The following ANKRD44 variants were observed in gnomAD, a reference collection of about 807,000 sequenced individuals.
ANKRD44 encodes the protein serine/threonine-protein phosphatase 6 regulatory ankyrin repeat subunit B.
Under a neutral mutation model 116.0 loss-of-function variants are expected in ANKRD44, and 35 were observed. That is an observed-to-expected ratio of 0.30 (90% CI 0.23 to 0.40). The LOEUF (loss-of-function observed/expected upper bound fraction) is 0.40. ANKRD44 is among the 10% of genes least tolerant of loss of function. The probability of loss-of-function intolerance (pLI) is 1.00; values close to 1 mark genes in which losing one functional copy is unlikely to be tolerated. For synonymous variants in ANKRD44, 435 were observed against 461.8 expected (o/e 0.94, Z 0.74); for missense variants, 1,014 against 1,242.6 (o/e 0.82, Z 2.77).
chr2:196,998,117 C>T (rs1369332161), intron 25 of ANKRD44, among the ~76,000 whole-genome samples: 1 of 152,142 alleles, frequency 6.6e-6, no homozygotes, highest in Non-Finnish European at 1.5e-5. Context: ...AAAAGCATGT[C>T]CTCAGTATTT....
At chr2:197,121,925 G>T (rs1391647809) in intron 7 of ANKRD44, among the ~76,000 whole-genome samples, 1 of 152,214 alleles carries the variant, frequency 6.6e-6, no homozygotes, top group Non-Finnish European at 1.5e-5. Context: ...AAGAAATGGT[G>T]GGGGATGGCA....
chr2:197,082,841 T>C (rs531309370), intron 14 of ANKRD44, among the ~76,000 whole-genome samples: 22 of 152,336 alleles, frequency 1.4e-4, no homozygotes, highest in African/African-American at 5.1e-4. Flanking sequence ...CTGTTTTCTA[T>C]TCCTACGCAC....
At chr2:197,174,558 G>T (rs563224676) in intron 2 of ANKRD44, among the ~76,000 whole-genome samples, 3 of 152,216 alleles carry the variant, frequency 2.0e-5, no homozygotes, top group Non-Finnish European at 4.4e-5. Flanking sequence ...TAAAGGTATT[G>T]ATAAAATTAG....
At chr2:197,072,555 A>G (rs892753240) in intron 16 of ANKRD44, among the ~76,000 whole-genome samples, 6 of 152,222 alleles carry the variant, frequency 3.9e-5, no homozygotes, top group African/African-American at 1.2e-4. Context: ...CAGTTGCTAT[A>G]TACTTAAAAA....
intron 21 of ANKRD44, among the ~76,000 whole-genome samples, chr2:197,002,997 G>A (rs60132321): frequency 0.056 from 8,490 of 152,136 alleles, 793 homozygotes; most frequent in African/African-American, 0.19. Flanking sequence ...AAAAGCTTAT[G>A]AAGTAATAAA....
chr2:197,027,955 G>T (rs1020394644), intron 16 of ANKRD44, among the ~76,000 whole-genome samples: 3 of 151,946 alleles, frequency 2.0e-5, no homozygotes, highest in African/African-American at 7.3e-5. Context: ...CTCCCAAACC[G>T]CTGAGATTAC....
rs2081098202 is a variant in ANKRD44 at position 197,201,858 on chromosome 2, T to C, written c.28-14752A>G. On this transcript the variant is annotated intron_variant, in intron 1 of 27. Transcript: ENST00000282272. The surrounding 1 kb of genome is among the most constrained non-coding windows in gnomAD (Gnocchi z 4.0). ...CTGCCCCCTTTTGGGATTCACAGTG[T>C]TTACTATTCCCATCTTTGTGTCCTT... Among the ~76,000 whole-genome samples, 1 of 152,214 alleles carries C rather than the reference T, an allele frequency of 6.6e-6. No individual in the cohort carries two copies. Among genetic ancestry groups the C allele is most frequent in the Non-Finnish European group, 1.5e-5 (1 of 68,038 alleles).
intron 1 of ANKRD44, among the ~76,000 whole-genome samples, chr2:197,264,459 TC>T (rs1426882934): frequency 6.6e-6 from 1 of 152,254 alleles, no homozygotes; most frequent in East Asian, 1.9e-4. Flanking sequence ...GAAAGGAATT[TC>T]CCAGCATGTT....
chr2:197,284,240 T>C (rs1241854709), intron 1 of ANKRD44, among the ~76,000 whole-genome samples: 1 of 152,100 alleles, frequency 6.6e-6, no homozygotes, highest in African/African-American at 2.4e-5. Flanking sequence ...GATGAAGAAA[T>C]GAGGGTCACT....
intron 4 of ANKRD44, among the ~76,000 whole-genome samples, chr2:197,126,741 T>A (rs752168737): frequency 6.6e-6 from 1 of 151,886 alleles, no homozygotes; most frequent in Admixed American, 6.6e-5. Flanking sequence ...AAACCCCATC[T>A]CTAACGAAGA....
At chr2:197,267,488 A>T (rs1047427943) in intron 1 of ANKRD44, among the ~76,000 whole-genome samples, 3 of 152,230 alleles carry the variant, frequency 2.0e-5, no homozygotes, top group Admixed American at 6.5e-5. Flanking sequence ...AGAGGAAAAA[A>T]TATGATCCTT....
At chr2:197,042,953 G>A (rs1460529449) in intron 16 of ANKRD44, among the ~76,000 whole-genome samples, 1 of 152,214 alleles carries the variant, frequency 6.6e-6, no homozygotes, top group Non-Finnish European at 1.5e-5. Flanking sequence ...GGATTCAGAG[G>A]CTTTTGCACC....
chr2:197,089,951 C>T lies in ANKRD44; in HGVS notation c.1182G>A (p.Ser394=), dbSNP rs746772692. Residue 394 remains serine (S), a splice_region_variant and synonymous_variant, in exon 11 of 28, where the codon TCG becomes TCA. Transcript: ENST00000282272. The stretch of plus-strand genomic sequence containing the variant: ...ATCTCTGCTAACAGATTTACTTACC[C>T]GATGATAACAACTTTCTGCAGCAGT... ...HSDCCRKLLS[S]GFEIDTPDKF... is the part of the protein sequence containing the mutation. 27 of 1,613,402 alleles carry T rather than the reference C, an allele frequency of 1.7e-5. No individual in the cohort carries two copies. Among genetic ancestry groups the T allele is most frequent in the South Asian group, 1.1e-4 (10 of 91,064 alleles).
intron 16 of ANKRD44, among the ~76,000 whole-genome samples, chr2:197,060,811 T>C (rs2077295862): frequency 6.6e-6 from 1 of 152,194 alleles, no homozygotes; most frequent in Admixed American, 6.5e-5. Context: ...TTTCACTTAG[T>C]GTAACGTCTT....
chr2:197,106,664 C>T (rs1016896263), intron 9 of ANKRD44, among the ~76,000 whole-genome samples: 1 of 150,026 alleles, frequency 6.7e-6, no homozygotes, highest in Admixed American at 6.7e-5. Context: ...GTGGCAGGCG[C>T]ATGTAGTCCC....
chr2:197,276,137 T>C (rs1224816221), intron 1 of ANKRD44, among the ~76,000 whole-genome samples: 1 of 151,940 alleles, frequency 6.6e-6, no homozygotes, highest in Non-Finnish European at 1.5e-5. Context: ...TAGCCAGGCA[T>C]GGTGGCACGC....
At chr2:197,228,978 T>G (rs942113001) in intron 1 of ANKRD44, among the ~76,000 whole-genome samples, 1 of 152,188 alleles carries the variant, frequency 6.6e-6, no homozygotes, top group African/African-American at 2.4e-5. Context: ...AAGGTTACAG[T>G]GAGCAGAGAT....
chr2:197,137,983 G>A (rs530066255), intron 3 of ANKRD44, among the ~76,000 whole-genome samples: 1 of 152,306 alleles, frequency 6.6e-6, no homozygotes, highest in Non-Finnish European at 1.5e-5. Context: ...GCTGTGGCAT[G>A]AAATGAATGC....
intron 21 of ANKRD44, 89 bp downstream of exon 21, chr2:197,005,605 G>A: frequency 2.5e-6 from 3 of 1,181,954 alleles, no homozygotes; most frequent in South Asian, 2.7e-5. Flanking sequence ...ATGGTTTGCA[G>A]AATTACATAA....
Sources: gnomAD v4.1 joint callset for allele counts (sites outside exome capture counted in the v4.1 genomes callset) on GRCh38, gnomAD v4.1.1 for gene constraint, Gnocchi (gnomAD v3.1) non-coding constraint, MANE v1.5 for transcripts, NCBI Gene and HGNC (gene_info 2026-07-23, HGNC 2026-07-21) for gene names.